Variants in ARHGEF38 observed in about 807,000 individuals in gnomAD.
The protein encoded by ARHGEF38 is Rho guanine nucleotide exchange factor 38.
ARHGEF38 carries 79 observed loss-of-function variants against 79.9 expected under a neutral mutation model. That is an observed-to-expected ratio of 0.99 (90% CI 0.82 to 1.19). The LOEUF (loss-of-function observed/expected upper bound fraction) is 1.19. ARHGEF38 is among the 50% of genes most tolerant of loss of function. The pLI, the probability that ARHGEF38 is intolerant of heterozygous loss-of-function variation, is 0.00. For missense variants in ARHGEF38, 962 were observed against 907.2 expected (o/e 1.06, Z -0.78); for synonymous variants, 366 against 328.3 (o/e 1.11, Z -1.24).
Position 105,668,745 on chromosome 4 carries a change from A to C in ARHGEF38, c.2148+1042A>C, listed in dbSNP as rs144782149. ...GATAGAGAAGTTAAAATAGTAGAAA[A>C]GCATACGTAACTTAAAAGTAAGCTG... On this transcript the variant is annotated intron_variant, in intron 13 of 13. Transcript: ENST00000420470. 2.0e-3 allele frequency among the ~76,000 whole-genome samples: 306 copies of C among 152,276 alleles called. 2 individuals carry two copies. The highest frequency in any genetic ancestry group is 7.1e-3 in the African/African-American group (297 of 41,562).
intron 7 of ARHGEF38, among the ~76,000 whole-genome samples, chr4:105,652,529 G>A (rs1285073979): frequency 6.6e-6 from 1 of 152,146 alleles, no homozygotes; most frequent in Non-Finnish European, 1.5e-5. Flanking sequence ...ACAGGATTTT[G>A]CAAGGCAGGA....
chr4:105,564,497 G>A (rs1725792250), intron 1 of ARHGEF38, among the ~76,000 whole-genome samples: 1 of 152,258 alleles, frequency 6.6e-6, no homozygotes, highest in South Asian at 2.1e-4. Flanking sequence ...GGGGGAAGGA[G>A]GAAATGGGGA....
chr4:105,646,839 T>A (rs1729863134), intron 6 of ARHGEF38, among the ~76,000 whole-genome samples: 1 of 146,364 alleles, frequency 6.8e-6, no homozygotes, highest in South Asian at 2.1e-4. Context: ...AGGGTTTTTT[T>A]TTTAAAGTAA....
intron 1 of ARHGEF38, among the ~76,000 whole-genome samples, chr4:105,565,212 A>G (rs1725828774): frequency 6.6e-6 from 1 of 152,178 alleles, no homozygotes; most frequent in African/African-American, 2.4e-5. Context: ...CCAGTATTTG[A>G]GCTTTCAAAT....
chr4:105,668,417 G>T (rs1051890761), intron 13 of ARHGEF38, among the ~76,000 whole-genome samples: 1 of 151,930 alleles, frequency 6.6e-6, no homozygotes, highest in Non-Finnish European at 1.5e-5. Context: ...ACTGAAACTT[G>T]TAAGAGCTAT....
intron 2 of ARHGEF38, among the ~76,000 whole-genome samples, chr4:105,595,943 T>C (rs1578292800): frequency 1.3e-5 from 2 of 152,288 alleles, no homozygotes; most frequent in South Asian, 4.2e-4. Context: ...TTATGGAATA[T>C]TTTCCCCTGA....
At position 105,659,192 on chromosome 4, in the gene ARHGEF38, G is replaced by A; in HGVS notation, c.1372G>A (p.Glu458Lys). ...NSYLQRSTGE[E>K]SDLAKKEYEA... ...CTACCTGCAGCGATCAACGGGAGAG[G>A]AGTCAGACTTGGCCAAAAAGGAGTA... The change falls in exon 10 of 14, where the codon GAG (glutamate) becomes AAG (lysine). Residue 458 changes from glutamate to lysine, a missense_variant. Transcript: ENST00000420470. 1.3e-6 allele frequency: 2 copies of A among 1,536,146 alleles called. No homozygotes were observed. The highest frequency in any genetic ancestry group is 1.7e-6 in the Non-Finnish European group (2 of 1,146,874).
intron 3 of ARHGEF38, among the ~76,000 whole-genome samples, chr4:105,622,578 G>C (rs1047943622): frequency 2.6e-4 from 39 of 152,136 alleles, no homozygotes; most frequent in African/African-American, 9.4e-4. Context: ...CTGGCCAACA[G>C]GGTTTGACCA....
chr4:105,588,463 T>C (rs1293829556), intron 1 of ARHGEF38, among the ~76,000 whole-genome samples: 1 of 152,236 alleles, frequency 6.6e-6, no homozygotes, highest in East Asian at 1.9e-4. Flanking sequence ...GTCTGGTTTG[T>C]GGCTTCCAAA....
chr4:105,599,756 C>T (rs910752047), intron 2 of ARHGEF38, among the ~76,000 whole-genome samples: 3 of 152,054 alleles, frequency 2.0e-5, no homozygotes, highest in African/African-American at 7.2e-5. Flanking sequence ...ATTAAGGAAA[C>T]AATTATTTTA....
intron 6 of ARHGEF38, among the ~76,000 whole-genome samples, chr4:105,645,784 T>A (rs1729814651): frequency 1.3e-5 from 2 of 152,172 alleles, no homozygotes; most frequent in Admixed American, 6.5e-5. Context: ...GGGGAAGATC[T>A]AGGTGACAGA....
At chr4:105,563,606 G>A (rs1187289602) in intron 1 of ARHGEF38, among the ~76,000 whole-genome samples, 2 of 152,184 alleles carry the variant, frequency 1.3e-5, no homozygotes, top group South Asian at 2.1e-4. Context: ...TTTTCCTGAG[G>A]TTTGCTTGGC....
At chr4:105,661,540 G>A (rs1277292399) in intron 10 of ARHGEF38, among the ~76,000 whole-genome samples, 2 of 149,594 alleles carry the variant, frequency 1.3e-5, no homozygotes, top group African/African-American at 4.9e-5. Context: ...CCTAATGGGT[G>A]TGCAGTGGTA....
At chr4:105,581,299 T>C (rs1446074579) in intron 1 of ARHGEF38, among the ~76,000 whole-genome samples, 1 of 152,126 alleles carries the variant, frequency 6.6e-6, no homozygotes, top group Non-Finnish European at 1.5e-5. Context: ...TAGTTGGCCA[T>C]CTTGGAATGA....
intron 9 of ARHGEF38, among the ~76,000 whole-genome samples, chr4:105,656,302 C>G (rs150714186): frequency 6.6e-6 from 1 of 152,096 alleles, no homozygotes; most frequent in African/African-American, 2.4e-5. Context: ...GTGAGCTATG[C>G]TTTTCTTAAA....
intron 2 of ARHGEF38, among the ~76,000 whole-genome samples, chr4:105,611,362 A>G (rs1325368765): frequency 2.6e-5 from 4 of 152,066 alleles, no homozygotes; most frequent in African/African-American, 9.7e-5. Flanking sequence ...TTTGATTCAT[A>G]CACAACTTTT....
intron 3 of ARHGEF38, among the ~76,000 whole-genome samples, chr4:105,616,355 C>A (rs1342848300): frequency 3.9e-5 from 6 of 152,126 alleles, no homozygotes; most frequent in African/African-American, 1.4e-4. Context: ...ACTCACAGTT[C>A]TTCAGGCTTA....
At chr4:105,557,536 G>A (rs1215780828) in intron 1 of ARHGEF38, among the ~76,000 whole-genome samples, 1 of 151,570 alleles carries the variant, frequency 6.6e-6, no homozygotes, top group Non-Finnish European at 1.5e-5. Flanking sequence ...TTAGGAGGTG[G>A]GGTCTTTGGG....
chr4:105,589,989 A>G (rs1483626908), intron 2 of ARHGEF38, among the ~76,000 whole-genome samples: 1 of 151,246 alleles, frequency 6.6e-6, no homozygotes, highest in Non-Finnish European at 1.5e-5. Context: ...CAATGAGCCA[A>G]ATCGCGCCAT....
Sources: gnomAD v4.1 joint callset for allele counts (sites outside exome capture counted in the v4.1 genomes callset) on GRCh38, gnomAD v4.1.1 for gene constraint, MANE v1.5 for transcripts, NCBI Gene and HGNC (gene_info 2026-07-23, HGNC 2026-07-21) for gene names.